PCDHA11: variants seen among roughly 807,000 people sequenced by gnomAD.
PCDHA11 encodes the protein protocadherin alpha 11, also known as protocadherin alpha-11.
Under a neutral mutation model 70.3 loss-of-function variants are expected in PCDHA11, and 61 were observed. The observed-to-expected ratio is 0.87, with a 90% CI of 0.71 to 1.07. The LOEUF (loss-of-function observed/expected upper bound fraction) is 1.07. PCDHA11 is among the 50% of genes least tolerant of loss of function. PCDHA11 has a pLI of 0.00. For synonymous variants in PCDHA11, 633 were observed against 555.1 expected (o/e 1.14, Z -1.97); for missense variants, 1,324 against 1,237.5 (o/e 1.07, Z -1.05).
Position 140,870,282 on chromosome 5 carries a change from C to T in PCDHA11, c.1179C>T (p.Pro393=), listed in dbSNP as rs886699693. The change falls in exon 1 of 4, where the codon CCC becomes CCT. Residue 393 remains proline (P), a synonymous_variant. Transcript: ENST00000398640. ...CCTGCTCGCTGACGCCCCACGTTCC[C>T]TTCAAGCTGGTGTCCACCTTCAAGA... The part of the protein sequence containing the change: ...QVTCSLTPHV[P]FKLVSTFKNY... The T allele has an allele frequency of 6.2e-7, 1 of 1,614,228 alleles. No homozygotes were observed. The highest frequency in any genetic ancestry group is 8.5e-7 in the Non-Finnish European group (1 of 1,180,046).
At chr5:140,902,331 C>A (rs1271812504) in intron 1 of PCDHA11, among the ~76,000 whole-genome samples, 1 of 151,712 alleles carries the variant, frequency 6.6e-6, no homozygotes, top group African/African-American at 2.4e-5. Flanking sequence ...ACTCACTTCG[C>A]CTGGCCTAGG....
At position 140,870,947 on chromosome 5, in the gene PCDHA11, G is replaced by T; in HGVS notation, c.1844G>T (p.Gly615Val). ...TCATATGAATTGCAGCCGGCGGCGG[G>T]CGGCTCGCGCATCCCGTTCCGCGTG... ...WLSYELQPAA[G>V]GSRIPFRVGL... Residue 615 changes from glycine (G) to valine (V), a missense_variant, in exon 1 of 4, where the codon GGC becomes GTC. Coordinates refer to ENST00000398640, the MANE Select transcript of PCDHA11 (RefSeq NM_018902.5). 1.2e-6 allele frequency: 2 copies of T among 1,613,700 alleles called. No individual in the cohort carries two copies. Among genetic ancestry groups the T allele is most frequent in the Non-Finnish European group, 1.7e-6 (2 of 1,179,896 alleles).
chr5:140,886,827 GAAA>G (rs782016620), intron 1 of PCDHA11, among the ~76,000 whole-genome samples: 1 of 60,882 alleles, frequency 1.6e-5, no homozygotes. Flanking sequence ...ACTTCGTCTT[GAAA>G]AAAAAAAAAA....
chr5:141,011,104 C>G lies in PCDHA11; in HGVS notation c.*1167C>G, dbSNP rs1396728499. The G allele has an allele frequency of 6.5e-6, 1 of 153,844 alleles. No homozygotes were observed. Among genetic ancestry groups the G allele is most frequent in the Non-Finnish European group, 1.5e-5 (1 of 68,020 alleles). The allele number at this position is 153,844 out of a possible 1,614,324, so 9.5% of individuals were successfully genotyped here. A position where few individuals can be genotyped will look rare whatever the true frequency, so the allele number is the denominator to read the frequency against. On this transcript the variant is annotated 3_prime_UTR_variant, in exon 4 of 4. Transcript: ENST00000398640. ...GATCTCTCTTTCTCTCTCTCTCTCT[C>G]TTTTCTAAGAAACAATTATGTGCAC... is the stretch of plus-strand genomic sequence containing the variant.
At chr5:140,951,626 C>G (rs1182328214) in intron 1 of PCDHA11, among the ~76,000 whole-genome samples, 1 of 152,180 alleles carries the variant, frequency 6.6e-6, no homozygotes, top group East Asian at 1.9e-4. Context: ...AAGGGGGAAA[C>G]CTGCCCCATG....
At chr5:140,928,041 C>T (rs2084880685) in intron 1 of PCDHA11, 3 of 1,613,398 alleles carry the variant, frequency 1.9e-6, no homozygotes, top group Non-Finnish European at 2.5e-6. Context: ...CTAGTGCAGG[C>T]CCTTTTCAGC....
rs1320219732 is a variant in PCDHA11, at chr5:140,966,886, G to A, written c.2392-12063G>A. On this transcript the variant is annotated intron_variant, in intron 1 of 3. Coordinates refer to ENST00000398640, the MANE Select transcript of PCDHA11 (RefSeq NM_018902.5). Reference sequence around the variant, plus strand: ...TGCTGCTGCTGCTACCTGGCCCTGCGGCCTCCCAGCTGCGATACTCTGTGC... The same window carrying A: ...TGCTGCTGCTGCTACCTGGCCCTGCAGCCTCCCAGCTGCGATACTCTGTGC... The A allele has an allele frequency of 5.7e-6, 9 of 1,592,130 alleles. No individual in the cohort carries two copies. The Admixed American group carries it at 1.0e-4, about 18-fold the overall frequency.
intron 1 of PCDHA11, chr5:140,883,983 G>A (rs2059929181): frequency 6.2e-7 from 1 of 1,612,892 alleles, no homozygotes; most frequent in East Asian, 2.2e-5. Flanking sequence ...GGGGCTGGCA[G>A]CGCGGGAGGC....
At chr5:140,979,868 C>T (rs1554241158) in intron 2 of PCDHA11, among the ~76,000 whole-genome samples, 1 of 152,160 alleles carries the variant, frequency 6.6e-6, no homozygotes. Context: ...AATATCTGGG[C>T]AACTATCAAG....
chr5:140,963,216 T>C (rs868943222), intron 1 of PCDHA11, among the ~76,000 whole-genome samples: 24 of 152,176 alleles, frequency 1.6e-4, no homozygotes, highest in Admixed American at 1.2e-3. Context: ...ACCTCGTGTT[T>C]AGAGTAGACA....
chr5:140,992,017 CTGTGTGTGTGTGTGTG>C (rs10602499), intron 3 of PCDHA11, among the ~76,000 whole-genome samples: 31 of 145,626 alleles, frequency 2.1e-4, no homozygotes, highest in East Asian at 1.4e-3. Flanking sequence ...AGAGGTGGCT[CTGTGTGTGTGTGTGTG>C]TGTGTGTGTG....
chr5:140,896,564 A>G (rs1475217228), intron 1 of PCDHA11, among the ~76,000 whole-genome samples: 1 of 150,096 alleles, frequency 6.7e-6, no homozygotes, highest in African/African-American at 2.5e-5. Flanking sequence ...TTAAGTAGAG[A>G]TGGGGTTTTG....
At chr5:140,935,093 A>G (rs1182064605) in intron 1 of PCDHA11, among the ~76,000 whole-genome samples, 1 of 152,204 alleles carries the variant, frequency 6.6e-6, no homozygotes, top group Admixed American at 6.5e-5. Context: ...TCCCAGAATC[A>G]GCCATTTTTC....
Position 140,871,004 on chromosome 5 carries a change from G to A in PCDHA11, c.1901G>A (p.Arg634His). 6.2e-7 allele frequency: 1 copy of A among 1,613,408 alleles called. No individual in the cohort carries two copies. Among genetic ancestry groups the A allele is most frequent in the Non-Finnish European group, 8.5e-7 (1 of 1,179,872 alleles). ...TACACGGGCGAGATAAGCACAACGC[G>A]TGCCCTGGACGAGGCAGACTCGCCG... Reference protein sequence around the residue: ...GLYTGEISTTRALDEADSPRH... With the variant: ...GLYTGEISTTHALDEADSPRH... The change falls in exon 1 of 4, where the codon CGT becomes CAT. Residue 634 changes from arginine to histidine, a missense_variant. Physicochemically the swap from Arg to His is conservative, Grantham distance 29 (BLOSUM62 0). Transcript: ENST00000398640.
intron 2 of PCDHA11, chr5:140,982,224 A>C: frequency 1.7e-6 from 1 of 587,320 alleles, no homozygotes; most frequent in South Asian, 3.8e-5. Flanking sequence ...TGGCGTTAAT[A>C]AAAAACAGAA....
chr5:140,953,951 A>C (rs1554221165), intron 1 of PCDHA11, among the ~76,000 whole-genome samples: 1 of 151,876 alleles, frequency 6.6e-6, no homozygotes, highest in Admixed American at 6.6e-5. Context: ...TGCTCCCCCA[A>C]CAGGCCCCAG....
At chr5:140,892,144 G>A (rs549500463) in intron 1 of PCDHA11, among the ~76,000 whole-genome samples, 45 of 152,220 alleles carry the variant, frequency 3.0e-4, no homozygotes, top group African/African-American at 1.1e-3. Context: ...TGGTTTTAGC[G>A]TCTATTTCTG....
intron 1 of PCDHA11, among the ~76,000 whole-genome samples, chr5:140,915,711 C>T (rs1159509465): frequency 1.3e-5 from 2 of 151,812 alleles, no homozygotes; most frequent in African/African-American, 2.4e-5. Flanking sequence ...CTCCTGTGGC[C>T]CCCACTTTGG....
At chr5:140,921,958 A>G (rs155363) in intron 1 of PCDHA11, among the ~76,000 whole-genome samples, 87,659 of 151,706 alleles carry the variant, frequency 0.58, 26,267 homozygotes, top group African/African-American at 0.75. Flanking sequence ...AAATCCCAGA[A>G]AACCAAAGGA....
Sources: allele counts gnomAD v4.1 joint callset (sites outside exome capture counted in the v4.1 genomes callset), GRCh38; gene constraint gnomAD v4.1.1; transcripts MANE v1.5; gene names NCBI Gene and HGNC (gene_info 2026-07-23, HGNC 2026-07-21).